SFT2D1: variants seen among roughly 807,000 people sequenced by gnomAD.
SFT2D1 encodes the protein vesicle transport protein SFT2A.
SFT2D1 carries 24 observed loss-of-function variants against 28.1 expected under a neutral mutation model. That is an observed-to-expected ratio of 0.85 (90% CI 0.62 to 1.20). SFT2D1 has a LOEUF of 1.20. Ranked by LOEUF, SFT2D1 falls within the 50% of genes most tolerant of loss-of-function variation. SFT2D1 has a pLI of 0.00. For synonymous variants in SFT2D1, 82 were observed against 73.7 expected (o/e 1.11, Z -0.58); for missense variants, 181 against 190.9 (o/e 0.95, Z 0.31).
chr6:166,324,714 A>G, intron 5 of SFT2D1, 119 bp from the exon 6 acceptor site: 2 of 918,658 alleles, frequency 2.2e-6, no homozygotes, highest in Non-Finnish European at 1.6e-6. Context: ...TCTTTATTAA[A>G]TTTTAGTGTG....
At chr6:166,326,073 G>A (rs549365208) in intron 5 of SFT2D1, 59 bp downstream of exon 5, 32 of 1,469,092 alleles carry the variant, frequency 2.2e-5, no homozygotes, top group African/African-American at 1.8e-4. Context: ...GTGATGACAC[G>A]TCAGCTGGGG....
chr6:166,325,718 A>G (rs1224316002), intron 5 of SFT2D1, among the ~76,000 whole-genome samples: 1 of 152,256 alleles, frequency 6.6e-6, no homozygotes, highest in Non-Finnish European at 1.5e-5. Context: ...CAGGCCCACA[A>G]GCAGGTGAGC....
chr6:166,324,188 G>A (rs1297078583), intron 6 of SFT2D1: 2 of 204,664 alleles, frequency 9.8e-6, no homozygotes, highest in African/African-American at 2.3e-5. Flanking sequence ...GGAGAATGCA[G>A]GTAAACTCAT....
At chr6:166,324,440 A>AGGGCCTCCTCTGACCCTG in intron 6 of SFT2D1, 97 bp downstream of exon 6, 1 of 1,222,612 alleles carries the variant, frequency 8.2e-7, no homozygotes. Flanking sequence ...TGGCTCCAAA[A>AGGGCCTCCTCTGACCCTG]CACCAGACGA....
chr6:166,338,388 A>G (rs1464170159), intron 1 of SFT2D1, among the ~76,000 whole-genome samples: 4 of 152,214 alleles, frequency 2.6e-5, no homozygotes, highest in Non-Finnish European at 4.4e-5. Context: ...ACAGAAAGGA[A>G]TAAGACAGCA....
At chr6:166,340,714 A>ATATT (rs112423551) in intron 1 of SFT2D1, among the ~76,000 whole-genome samples, 1 of 152,010 alleles carries the variant, frequency 6.6e-6, no homozygotes, top group Non-Finnish European at 1.5e-5. Context: ...GACACATTAT[A>ATATT]TACTTGTTTA....
intron 4 of SFT2D1, among the ~76,000 whole-genome samples, chr6:166,327,269 T>C (rs1295211865): frequency 2.0e-5 from 3 of 152,068 alleles, no homozygotes; most frequent in African/African-American, 7.2e-5. Context: ...CCAGGTGAGT[T>C]AGGAGGCAGA....
intron 1 of SFT2D1, among the ~76,000 whole-genome samples, chr6:166,341,719 A>C: frequency 6.6e-6 from 1 of 152,132 alleles, no homozygotes; most frequent in Admixed American, 6.5e-5. Flanking sequence ...GCAATAACAA[A>C]AAAACTTACA....
At chr6:166,330,592 G>A (rs948265861) in intron 1 of SFT2D1, among the ~76,000 whole-genome samples, 1 of 152,242 alleles carries the variant, frequency 6.6e-6, no homozygotes, top group African/African-American at 2.4e-5. Context: ...GGGGGCAGAT[G>A]CAACAGGCCA....
At chr6:166,336,340 T>C (rs1778650605) in intron 1 of SFT2D1, among the ~76,000 whole-genome samples, 1 of 152,216 alleles carries the variant, frequency 6.6e-6, no homozygotes, top group African/African-American at 2.4e-5. Context: ...TTATTAGTTA[T>C]AAAAATGATT....
At chr6:166,329,270 A>G (rs1448435835) in intron 3 of SFT2D1, among the ~76,000 whole-genome samples, 1 of 152,248 alleles carries the variant, frequency 6.6e-6, no homozygotes, top group African/African-American at 2.4e-5. Flanking sequence ...CACTTAGAAC[A>G]GTCCCAGACA....
chr6:166,337,942 G>A (rs1050808798), intron 1 of SFT2D1, among the ~76,000 whole-genome samples: 1 of 152,076 alleles, frequency 6.6e-6, no homozygotes. Context: ...CTAATAAGAC[G>A]AGAAAGAGAC....
At chr6:166,322,167 G>A (rs1468805311) in intron 7 of SFT2D1, among the ~76,000 whole-genome samples, 1 of 152,092 alleles carries the variant, frequency 6.6e-6, no homozygotes, top group Non-Finnish European at 1.5e-5. Context: ...ACAGGTGTGA[G>A]CCACCGCACC....
At chr6:166,320,535 AC>A (rs1447355420) in intron 7 of SFT2D1, among the ~76,000 whole-genome samples, 1 of 151,310 alleles carries the variant, frequency 6.6e-6, no homozygotes, top group African/African-American at 2.4e-5. Context: ...AAATAACCTA[AC>A]AAAAGATCTA....
intron 1 of SFT2D1, among the ~76,000 whole-genome samples, chr6:166,341,171 C>A (rs1438921732): frequency 1.3e-5 from 2 of 151,900 alleles, no homozygotes; most frequent in South Asian, 2.1e-4. Flanking sequence ...TTGCTCCAGG[C>A]GCAGTGGCTC....
intron 1 of SFT2D1, among the ~76,000 whole-genome samples, chr6:166,332,453 A>G (rs1246843600): frequency 1.3e-5 from 2 of 152,164 alleles, no homozygotes. Context: ...ACGGGGTTTC[A>G]CTATGTTGGC....
At chr6:166,327,145 T>C (rs779753869) in intron 4 of SFT2D1, among the ~76,000 whole-genome samples, 4 of 152,238 alleles carry the variant, frequency 2.6e-5, no homozygotes, top group Non-Finnish European at 5.9e-5. Context: ...CCTTATAAAT[T>C]AACATAGGTT....
At chr6:166,326,981 C>A (rs1308884956) in intron 4 of SFT2D1, among the ~76,000 whole-genome samples, 1 of 151,972 alleles carries the variant, frequency 6.6e-6, no homozygotes, top group African/African-American at 2.4e-5. Context: ...GATACATATG[C>A]TATTATAGGA....
chr6:166,320,380 T>C (rs1437266547), intron 7 of SFT2D1, 124 bp from the exon 8 acceptor site: 7 of 708,162 alleles, frequency 9.9e-6, no homozygotes, highest in South Asian at 1.8e-5. Flanking sequence ...CACTTTTTGA[T>C]TAATAAAAAC....
Sources: allele counts gnomAD v4.1 joint callset (sites outside exome capture counted in the v4.1 genomes callset), GRCh38; gene constraint gnomAD v4.1.1; transcripts MANE v1.5; gene names NCBI Gene and HGNC (gene_info 2026-07-23, HGNC 2026-07-21).